RIMS2: variants seen among roughly 807,000 people sequenced by gnomAD.
The protein encoded by RIMS2 is regulating synaptic membrane exocytosis 2.
Under a neutral mutation model 174.4 loss-of-function variants are expected in RIMS2, and 59 were observed. The ratio of observed to expected loss-of-function variants is 0.34; its 90% CI spans 0.27 to 0.42. The LOEUF is 0.42. Ranked by LOEUF, RIMS2 falls within the 10% of genes least tolerant of loss-of-function variation. The pLI, the probability that RIMS2 is intolerant of heterozygous loss-of-function variation, is 1.00. For missense variants in RIMS2, 1,620 were observed against 1,666.3 expected (o/e 0.97, Z 0.48); for synonymous variants, 606 against 572.5 (o/e 1.06, Z -0.84).
At chr8:103,515,346 T>A (rs1025294805) in intron 1 of RIMS2, among the ~76,000 whole-genome samples, 2 of 152,178 alleles carry the variant, frequency 1.3e-5, no homozygotes, top group Non-Finnish European at 2.9e-5. Flanking sequence ...TTTATGAAAA[T>A]TTTTTATTAA....
intron 2 of RIMS2, among the ~76,000 whole-genome samples, chr8:103,713,763 C>G (rs1466918410): frequency 6.6e-6 from 1 of 152,184 alleles, no homozygotes; most frequent in Non-Finnish European, 1.5e-5. Context: ...TCCTCATCAC[C>G]TGAGTGAAGT....
intron 6 of RIMS2, among the ~76,000 whole-genome samples, chr8:103,913,120 G>A (rs1218484389): frequency 2.7e-5 from 4 of 150,322 alleles, no homozygotes; most frequent in East Asian, 1.9e-4. Flanking sequence ...CTATAGGCGC[G>A]CACCACCATA....
intron 19 of RIMS2, among the ~76,000 whole-genome samples, chr8:104,098,213 T>A (rs35669339): frequency 2.0e-4 from 30 of 152,188 alleles, no homozygotes; most frequent in Non-Finnish European, 3.7e-4. Context: ...GTAATATATT[T>A]ATACTTAGCT....
chr8:103,628,754 T>TA (rs200221962), intron 1 of RIMS2, among the ~76,000 whole-genome samples: 6,542 of 115,026 alleles, frequency 0.057, 459 homozygotes, highest in African/African-American at 0.17. Context: ...AGACCCATAT[T>TA]AAAAAAAAAA....
At chr8:103,786,802 C>A (rs1462006847) in intron 3 of RIMS2, among the ~76,000 whole-genome samples, 3 of 152,128 alleles carry the variant, frequency 2.0e-5, no homozygotes, top group African/African-American at 7.2e-5. Context: ...TGGTGCAGAG[C>A]TGAGTTCAAT....
At chr8:103,786,930 A>T (rs1328494141) in intron 3 of RIMS2, among the ~76,000 whole-genome samples, 1 of 151,650 alleles carries the variant, frequency 6.6e-6, no homozygotes, top group Non-Finnish European at 1.5e-5. Context: ...GTCACTCACG[A>T]CTTGCTCTAT....
chr8:103,693,394 A>T (rs2114250), intron 1 of RIMS2, among the ~76,000 whole-genome samples: 57,296 of 151,910 alleles, frequency 0.38, 11,143 homozygotes, highest in African/African-American at 0.4. Context: ...CTTTTTTATG[A>T]GGATAGTTGT....
intron 3 of RIMS2, among the ~76,000 whole-genome samples, chr8:103,864,525 G>A (rs1410021739): frequency 6.6e-6 from 1 of 152,068 alleles, no homozygotes; most frequent in Non-Finnish European, 1.5e-5. Flanking sequence ...TTCGACCATG[G>A]TCTGAGAAAA....
chr8:103,732,767 C>T (rs1020999009), intron 2 of RIMS2, among the ~76,000 whole-genome samples: 7 of 152,170 alleles, frequency 4.6e-5, no homozygotes, highest in Non-Finnish European at 1.0e-4. Context: ...CTGATGTTTG[C>T]TCAAGTACCA....
chr8:103,819,585 T>C (rs1341952260), intron 3 of RIMS2: 2 of 1,613,466 alleles, frequency 1.2e-6, no homozygotes, highest in Non-Finnish European at 1.7e-6. Flanking sequence ...CCCCACCAAA[T>C]ATCTTACAAA....
At chr8:103,626,238 C>T (rs897082729) in intron 1 of RIMS2, among the ~76,000 whole-genome samples, 2 of 152,078 alleles carry the variant, frequency 1.3e-5, no homozygotes, top group East Asian at 3.8e-4. Context: ...AGTTTTGATT[C>T]ATAGATTGAA....
chr8:103,696,088 C>G (rs1564320295), intron 1 of RIMS2, among the ~76,000 whole-genome samples: 2 of 152,074 alleles, frequency 1.3e-5, no homozygotes, highest in African/African-American at 4.8e-5. Flanking sequence ...AACAATTACA[C>G]ATATGGTAGG....
rs149109064 is a variant in RIMS2 at position 104,121,893 on chromosome 8, G to A, written c.3334+107278G>A. Among the ~76,000 whole-genome samples the A allele has an allele frequency of 3.2e-4, 49 of 152,256 alleles. 1 individual carries two copies. The East Asian group carries it at 3.3e-3, about 10-fold the overall frequency. On this transcript the variant is annotated intron_variant, in intron 19 of 23. Transcript: ENST00000504942. ...GGAGAATCACTTGAATCCGGAAGGC[G>A]GAGGTTGCAGTGAGCATAGATCACG...
At chr8:103,899,865 A>C (rs1452549146) in intron 4 of RIMS2, among the ~76,000 whole-genome samples, 1 of 151,806 alleles carries the variant, frequency 6.6e-6, no homozygotes, top group Non-Finnish European at 1.5e-5. Context: ...CTAACATTTA[A>C]GTCTTTAATC....
chr8:103,726,588 G>T (rs1323881477), intron 2 of RIMS2, among the ~76,000 whole-genome samples: 1 of 151,240 alleles, frequency 6.6e-6, no homozygotes, highest in Non-Finnish European at 1.5e-5. Flanking sequence ...TTAATTTATG[G>T]ATAAGTTTGG....
chr8:104,223,862 C>T (rs2099169017), intron 19 of RIMS2: 19 of 1,333,826 alleles, frequency 1.4e-5, no homozygotes, highest in Non-Finnish European at 2.0e-5. Flanking sequence ...GAGGGTTGGC[C>T]GGGGCAGAGA....
chr8:104,178,929 A>C (rs575336728), intron 19 of RIMS2, among the ~76,000 whole-genome samples: 1 of 152,266 alleles, frequency 6.6e-6, no homozygotes, highest in South Asian at 2.1e-4. Context: ...GTGCCTCTCT[A>C]GGTGGAAATT....
intron 19 of RIMS2, among the ~76,000 whole-genome samples, chr8:104,089,597 A>C (rs2154564457): frequency 6.6e-6 from 1 of 152,012 alleles, no homozygotes; most frequent in Admixed American, 6.6e-5. Flanking sequence ...GTCTATTTGT[A>C]ATAGAAACCT....
At chr8:103,587,831 C>G (rs1328667797) in intron 1 of RIMS2, among the ~76,000 whole-genome samples, 5 of 152,100 alleles carry the variant, frequency 3.3e-5, no homozygotes, top group Non-Finnish European at 7.4e-5. Flanking sequence ...AAAGCCTTTT[C>G]TCTAAGACCT....
Sources: allele counts gnomAD v4.1 joint callset (sites outside exome capture counted in the v4.1 genomes callset), GRCh38; gene constraint gnomAD v4.1.1; transcripts MANE v1.5; gene names NCBI Gene and HGNC (gene_info 2026-07-23, HGNC 2026-07-21).